MALT1: variants seen among roughly 807,000 people sequenced by gnomAD.
The protein encoded by MALT1 is MALT1 paracaspase, also known as mucosa-associated lymphoid tissue lymphoma translocation protein 1.
MALT1 carries 36 observed loss-of-function variants against 85.5 expected under a neutral mutation model. The ratio of observed to expected loss-of-function variants is 0.42; its 90% confidence interval spans 0.32 to 0.56. The LOEUF (loss-of-function observed/expected upper bound fraction) is 0.56. MALT1 is among the 20% of genes least tolerant of loss of function. The pLI is 0.10. For synonymous variants in MALT1, 359 were observed against 361.3 expected (o/e 0.99, Z 0.07); for missense variants, 716 against 981.6 (o/e 0.73, Z 3.62).
At chr18:58,676,049 A>G (rs998497925) in intron 1 of MALT1, among the ~76,000 whole-genome samples, 22 of 152,152 alleles carry the variant, frequency 1.4e-4, no homozygotes, top group African/African-American at 4.6e-4. Context: ...CACTATATAT[A>G]TGTAGAATCC....
intron 4 of MALT1, among the ~76,000 whole-genome samples, chr18:58,707,353 TTC>T (rs2054766414): frequency 6.6e-6 from 1 of 151,016 alleles, no homozygotes; most frequent in Admixed American, 6.6e-5. Flanking sequence ...AGCTCTGCTT[TTC>T]TTTTTCTTTT....
In MALT1 at chr18:58,723,212, G is replaced by A; in HGVS notation, c.1183G>A (p.Val395Met). ...TACTGAATATGAGATGCGTAATGCT[G>A]TGGATGAGTTTTTACTCCTTTTAGA... ...DLTEYEMRNA[V>M]DEFLLLLDKG... Residue 395 changes from valine (V) to methionine (M), a missense_variant, in exon 10 of 17, where the codon GTG becomes ATG. By Grantham distance (21) the Val-to-Met change is conservative. Transcript: ENST00000649217. The A allele has an allele frequency of 1.2e-6, 2 of 1,613,790 alleles. No individual in the cohort carries two copies. Among genetic ancestry groups the A allele is most frequent in the Non-Finnish European group, 8.5e-7 (1 of 1,179,782 alleles).
chr18:58,674,043 G>C (rs1309101735), intron 1 of MALT1: 3 of 152,116 alleles, frequency 2.0e-5, no homozygotes, highest in Non-Finnish European at 4.4e-5. Flanking sequence ...CAGATCTCCA[G>C]AGTATTACGG....
intron 7 of MALT1, 128 bp downstream of exon 7, chr18:58,711,081 G>A: frequency 1.9e-6 from 1 of 540,400 alleles, no homozygotes; most frequent in East Asian, 3.4e-5. Context: ...GATTTTGATT[G>A]AAGAATATTG....
chr18:58,680,559 C>T (rs1602274297), intron 1 of MALT1, among the ~76,000 whole-genome samples: 1 of 152,098 alleles, frequency 6.6e-6, no homozygotes, highest in African/African-American at 2.4e-5. Flanking sequence ...ATTTTTCTGG[C>T]CTTCCTATTC....
intron 12 of MALT1, among the ~76,000 whole-genome samples, chr18:58,734,939 T>C (rs778615111): frequency 1.3e-5 from 2 of 152,084 alleles, no homozygotes; most frequent in Non-Finnish European, 2.9e-5. Context: ...TACAAAGATA[T>C]GCTATGATGT....
Position 58,723,186 on chromosome 18 carries a change from T to C in MALT1, c.1157T>C (p.Leu386Pro), listed in dbSNP as rs1338346449. ...TTCAAAGTGGTTTCACTGTTGGATC[T>C]TACTGAATATGAGATGCGTAATGCT... ...LDFKVVSLLD[L>P]TEYEMRNAVD... Residue 386 changes from leucine (L) to proline (P), a missense_variant, in exon 10 of 17, where the codon CTT (leucine) becomes CCT (proline). By Grantham distance (98) the Leu-to-Pro change is moderately conservative (BLOSUM62 -3). Coordinates refer to ENST00000649217, the MANE Select transcript of MALT1 (RefSeq NM_006785.4). The C allele has an allele frequency of 6.2e-7, 1 of 1,614,008 alleles. No individual in the cohort carries two copies. The highest frequency in any genetic ancestry group is 8.5e-7 in the Non-Finnish European group (1 of 1,179,964).
In MALT1 at chr18:58,709,554, A is replaced by G. The variant is rs960844050; in HGVS notation, c.826A>G (p.Met276Val). The change falls in exon 5 of 17, where the codon ATG (methionine) becomes GTG (valine). Residue 276 changes from methionine (M) to valine (V), a missense_variant and splice_region_variant. Physicochemically the swap from Met to Val is conservative, Grantham distance 21 (BLOSUM62 1). Transcript: ENST00000649217. Reference sequence around the variant, plus strand: ...AACACATGAGACCAAAAAGCTATACATGGTAGGAAGTTGATTTTGGGGTCT... The same window carrying G: ...AACACATGAGACCAAAAAGCTATACGTGGTAGGAAGTTGATTTTGGGGTCT... ...PLTHETKKLYMVPYVDLEHQG... is the reference protein window; with the variant it reads ...PLTHETKKLYVVPYVDLEHQG... 6.3e-7 allele frequency: 1 copy of G among 1,598,060 alleles called. No individual in the cohort carries two copies. The highest frequency in any genetic ancestry group is 1.8e-5 in the Admixed American group (1 of 56,208).
At chr18:58,693,276 G>C (rs1365951998) in intron 2 of MALT1, among the ~76,000 whole-genome samples, 2 of 152,096 alleles carry the variant, frequency 1.3e-5, no homozygotes, top group Non-Finnish European at 2.9e-5. Flanking sequence ...CAAAAAATTA[G>C]CCAGGCACAG....
chr18:58,719,361 C>T (rs2054950731), intron 9 of MALT1, among the ~76,000 whole-genome samples: 1 of 152,252 alleles, frequency 6.6e-6, no homozygotes, highest in Non-Finnish European at 1.5e-5. Flanking sequence ...CTCTCTGTCT[C>T]TCCCTCTCCT....
At chr18:58,710,770 T>C in intron 6 of MALT1, 151 bp from the exon 7 acceptor site, 2 of 568,776 alleles carry the variant, frequency 3.5e-6, no homozygotes, top group South Asian at 4.7e-5. Context: ...GCTTAATATA[T>C]TTATAGTTAT....
At chr18:58,684,599 A>G (rs1327669814) in intron 2 of MALT1, among the ~76,000 whole-genome samples, 4 of 151,932 alleles carry the variant, frequency 2.6e-5, no homozygotes, top group African/African-American at 4.8e-5. Flanking sequence ...GGCATGTGCC[A>G]CCACGCCCAG....
chr18:58,691,347 G>C, intron 2 of MALT1: 2 of 853,226 alleles, frequency 2.3e-6, no homozygotes, highest in Non-Finnish European at 1.8e-6. Context: ...GATCCTGTTT[G>C]CTTTTGGCAT....
intron 12 of MALT1, among the ~76,000 whole-genome samples, 181 bp from the exon 13 acceptor site, chr18:58,735,021 C>G (rs1275213859): frequency 6.6e-6 from 1 of 150,814 alleles, no homozygotes; most frequent in South Asian, 2.1e-4. Context: ...TTTTTCCTAA[C>G]TGAAACATTG....
intron 2 of MALT1, among the ~76,000 whole-genome samples, chr18:58,686,202 T>C (rs1000746924): frequency 6.6e-6 from 1 of 152,196 alleles, no homozygotes; most frequent in Non-Finnish European, 1.5e-5. Flanking sequence ...AATTTTTATA[T>C]TTTTAGTAGC....
chr18:58,736,291 T>C (rs2055220019), intron 13 of MALT1, among the ~76,000 whole-genome samples: 1 of 152,202 alleles, frequency 6.6e-6, no homozygotes, highest in Non-Finnish European at 1.5e-5. Flanking sequence ...TTTAGATCAC[T>C]TGACTTAGCC....
intron 13 of MALT1, among the ~76,000 whole-genome samples, chr18:58,736,661 G>A (rs1315067990): frequency 6.6e-6 from 1 of 152,194 alleles, no homozygotes; most frequent in Non-Finnish European, 1.5e-5. Flanking sequence ...TATGTGCTGT[G>A]AGGATATTTG....
chr18:58,735,963 T>C (rs2055216149), intron 13 of MALT1, among the ~76,000 whole-genome samples: 1 of 152,046 alleles, frequency 6.6e-6, no homozygotes, highest in Non-Finnish European at 1.5e-5. Flanking sequence ...ACTGTGTTTT[T>C]TGAAAAAACA....
At chr18:58,695,426 T>C (rs768534899) in intron 2 of MALT1, among the ~76,000 whole-genome samples, 1 of 152,224 alleles carries the variant, frequency 6.6e-6, no homozygotes, top group Non-Finnish European at 1.5e-5. Context: ...CAAGCTTAGA[T>C]GTTGGCAGTT....
Sources: allele counts gnomAD v4.1 joint callset (sites outside exome capture counted in the v4.1 genomes callset), GRCh38; gene constraint gnomAD v4.1.1; transcripts MANE v1.5; gene names NCBI Gene and HGNC (gene_info 2026-07-23, HGNC 2026-07-21).